The following LRCH1 variants were observed in gnomAD, a reference collection of about 807,000 sequenced individuals.
LRCH1 encodes the protein leucine rich repeats and calponin homology domain containing 1, also known as leucine-rich repeat and calponin homology domain-containing protein 1.
LRCH1 carries 23 observed loss-of-function variants against 94.9 expected under a neutral mutation model. The observed-to-expected ratio is 0.24, with a 90% CI of 0.17 to 0.34. The LOEUF (loss-of-function observed/expected upper bound fraction) is 0.34. Among genes scored for constraint, LRCH1 ranks in the 10% least tolerant of loss-of-function variants. The pLI is 1.00. For missense variants in LRCH1, 790 were observed against 945.9 expected (o/e 0.84, Z 2.16); for synonymous variants, 364 against 354.9 (o/e 1.03, Z -0.29).
chr13:46,739,743 G>T (rs1260709044), intron 19 of LRCH1, among the ~76,000 whole-genome samples: 1 of 152,128 alleles, frequency 6.6e-6, no homozygotes. Flanking sequence ...TTTCTTTAGA[G>T]ATTATGATTT....
rs930181731 is a variant in LRCH1 at position 46,559,893 on chromosome 13, G to A, written c.307+6190G>A. Among the ~76,000 whole-genome samples the A allele has an allele frequency of 9.2e-5, 14 of 152,128 alleles. 1 individual carries two copies. The highest frequency in any genetic ancestry group is 4.1e-4 in the South Asian group (2 of 4,820). On this transcript the variant is annotated intron_variant, in intron 1 of 19. Transcript: ENST00000389797. ...TTGACTGAGACTTTTTTTTGTGTGC[G>A]TGTGTTACTGTAATGAACTGAAATT...
intron 1 of LRCH1, among the ~76,000 whole-genome samples, chr13:46,591,659 G>A (rs1456403003): frequency 6.6e-6 from 1 of 152,228 alleles, no homozygotes; most frequent in African/African-American, 2.4e-5. Flanking sequence ...TCTTAGACCA[G>A]GAAGGGGCCC....
At chr13:46,687,244 C>A (rs1870668503) in intron 5 of LRCH1, among the ~76,000 whole-genome samples, 1 of 152,144 alleles carries the variant, frequency 6.6e-6, no homozygotes, top group African/African-American at 2.4e-5. Flanking sequence ...CAGGCGTGAG[C>A]CACTGCTCCC....
intron 1 of LRCH1, among the ~76,000 whole-genome samples, chr13:46,633,238 A>T (rs961671597): frequency 2.6e-5 from 4 of 152,236 alleles, no homozygotes; most frequent in African/African-American, 9.6e-5. Context: ...TTCTGGAAGG[A>T]GTCTAACTTC....
At chr13:46,566,860 C>T (rs1400866584) in intron 1 of LRCH1, among the ~76,000 whole-genome samples, 2 of 152,172 alleles carry the variant, frequency 1.3e-5, no homozygotes, top group African/African-American at 4.8e-5. Flanking sequence ...CTCAGAGACC[C>T]CAGATATATG....
chr13:46,581,690 A>T (rs2050367282), intron 1 of LRCH1, among the ~76,000 whole-genome samples: 1 of 152,228 alleles, frequency 6.6e-6, no homozygotes, highest in Non-Finnish European at 1.5e-5. Flanking sequence ...GCCTCCAGTT[A>T]ATGTCCTTCG....
chr13:46,702,942 T>G (rs1423443988), intron 11 of LRCH1, among the ~76,000 whole-genome samples: 1 of 152,284 alleles, frequency 6.6e-6, no homozygotes, highest in East Asian at 1.9e-4. Context: ...GCTTTGGATG[T>G]TGTTAAGGAG....
intron 1 of LRCH1, among the ~76,000 whole-genome samples, chr13:46,569,312 T>C (rs552594490): frequency 7.2e-5 from 11 of 152,298 alleles, no homozygotes; most frequent in Admixed American, 7.2e-4. Context: ...CTGAGCCTAA[T>C]AATAGGTATC....
At chr13:46,750,300 T>C (rs1319935267) in intron 18 of LRCH1, among the ~76,000 whole-genome samples, 5 of 152,208 alleles carry the variant, frequency 3.3e-5, no homozygotes, top group Non-Finnish European at 5.9e-5. Flanking sequence ...ATCTGCAGAC[T>C]TCATGGTGAT....
Position 46,728,848 on chromosome 13 carries a change from G to A in LRCH1, c.1871G>A (p.Ser624Asn), listed in dbSNP as rs780191923. The change falls in exon 18 of 20, where the codon AGC (serine) becomes AAC (asparagine). Residue 624 changes from serine (S) to asparagine (N), a missense_variant and splice_region_variant. Around this residue, in one of 3 missense-constraint regions of LRCH1, gnomAD observed 460 missense variants for 508.9 expected, o/e 0.90. Transcript: ENST00000389797. Reference protein sequence around the residue: ...EKELVEQLRESIEMRLKVSLH... With the variant: ...EKELVEQLRENIEMRLKVSLH... ...GCTTCCTTCTGATTTCCCCAACAGAGCATTGAGATGAGATTGAAGGTCAGT... is the reference window on the plus strand; with the variant it reads ...GCTTCCTTCTGATTTCCCCAACAGAACATTGAGATGAGATTGAAGGTCAGT... The A allele has an allele frequency of 1.3e-5, 21 of 1,601,486 alleles. No individual in the cohort carries two copies. Among genetic ancestry groups the A allele is most frequent in the East Asian group, 6.7e-5 (3 of 44,532 alleles).
chr13:46,640,991 C>G (rs867192834), intron 1 of LRCH1, among the ~76,000 whole-genome samples: 1 of 152,180 alleles, frequency 6.6e-6, no homozygotes. Flanking sequence ...GCCTATTTAA[C>G]CCTGGAAGCG....
chr13:46,609,296 C>G (rs2050721209), intron 1 of LRCH1, among the ~76,000 whole-genome samples: 1 of 152,188 alleles, frequency 6.6e-6, no homozygotes, highest in Admixed American at 6.5e-5. Flanking sequence ...TTGCCTTGAA[C>G]AAAGCATCTA....
chr13:46,692,414 G>T, intron 7 of LRCH1, 122 bp from the exon 8 acceptor site: 2 of 655,390 alleles, frequency 3.1e-6, no homozygotes, highest in East Asian at 2.9e-5. Flanking sequence ...CTTTGTATCT[G>T]GCAACTTATA....
chr13:46,728,909 T>G lies in LRCH1; in HGVS notation c.1932T>G (p.Gly644=), dbSNP rs751529211. Reference sequence around the variant, plus strand: ...ACCTGGGGGCAGCCCTCATGGATGGTGTCGTCCTCTGCCATCTGGTCAACC... The same window carrying G: ...ACCTGGGGGCAGCCCTCATGGATGGGGTCGTCCTCTGCCATCTGGTCAACC... The part of the protein sequence containing the change: ...HEDLGAALMD[G]VVLCHLVNHI... The change falls in exon 18 of 20, where the codon GGT becomes GGG. Residue 644 remains glycine (G), a synonymous_variant. Coordinates refer to ENST00000389797, the MANE Select transcript of LRCH1 (RefSeq NM_001164211.2). The G allele has an allele frequency of 6.2e-7, 1 of 1,613,670 alleles. No individual in the cohort carries two copies. The highest frequency in any genetic ancestry group is 8.5e-7 in the Non-Finnish European group (1 of 1,179,854).
At chr13:46,701,828 A>G (rs892158137) in intron 11 of LRCH1, among the ~76,000 whole-genome samples, 1 of 152,226 alleles carries the variant, frequency 6.6e-6, no homozygotes, top group African/African-American at 2.4e-5. Flanking sequence ...TGTATCGGGT[A>G]ATAACTACAT....
intron 11 of LRCH1, among the ~76,000 whole-genome samples, chr13:46,704,782 G>T (rs1259325810): frequency 6.6e-6 from 1 of 151,840 alleles, no homozygotes; most frequent in Non-Finnish European, 1.5e-5. Flanking sequence ...ATAAAATTTA[G>T]TATATGCTAT....
chr13:46,598,260 A>G (rs1401321432), intron 1 of LRCH1, among the ~76,000 whole-genome samples: 1 of 152,196 alleles, frequency 6.6e-6, no homozygotes, highest in African/African-American at 2.4e-5. Flanking sequence ...TCCAGAAACA[A>G]CACTATTTCT....
At chr13:46,704,390 G>A (rs963560701) in intron 11 of LRCH1, among the ~76,000 whole-genome samples, 2 of 151,946 alleles carry the variant, frequency 1.3e-5, no homozygotes, top group African/African-American at 4.8e-5. Flanking sequence ...AGAAAATTTA[G>A]TTGGCTATTG....
intron 2 of LRCH1, among the ~76,000 whole-genome samples, chr13:46,667,986 A>C (rs1279743889): frequency 6.6e-6 from 1 of 152,242 alleles, no homozygotes; most frequent in African/African-American, 2.4e-5. Flanking sequence ...AACTTTATGC[A>C]TGTGTGTGCA....
Sources: allele counts gnomAD v4.1 joint callset (sites outside exome capture counted in the v4.1 genomes callset), GRCh38; gene constraint gnomAD v4.1.1; regional missense constraint gnomAD v4.1.1; transcripts MANE v1.5; gene names NCBI Gene and HGNC (gene_info 2026-07-23, HGNC 2026-07-21).